The following FBLN2 variants were observed in gnomAD, a reference collection of about 807,000 sequenced individuals.
The protein encoded by FBLN2 is fibulin 2.
A neutral mutation model predicts 123.7 loss-of-function variants in FBLN2; 81 were observed. The ratio of observed to expected loss-of-function variants is 0.65; its 90% CI spans 0.55 to 0.79. The LOEUF (loss-of-function observed/expected upper bound fraction) is 0.79, where lower values mean the gene tolerates loss of function less well. Among genes scored for constraint, FBLN2 ranks in the 30% least tolerant of loss-of-function variants. The probability of loss-of-function intolerance (pLI) is 0.00; values close to 1 mark genes in which losing one functional copy is unlikely to be tolerated. For missense variants in FBLN2, 1,603 were observed against 1,681.3 expected, an observed-to-expected ratio of 0.95 and a Z score of 0.81; for synonymous variants, 699 against 701.4, an observed-to-expected ratio of 1.00 and a Z score of 0.05.
In FBLN2 at chr3:13,570,982, A is replaced by G; in HGVS notation, c.627A>G (p.Ala209=). ...YDQEVAEVEA[A]TALGGEVQAG... is the part of the protein sequence containing the mutation. ...AGGAGGTGGCCGAGGTGGAAGCAGC[A>G]ACAGCCCTGGGGGGTGAGGTCCAGG... Residue 209 remains alanine, a synonymous_variant, in exon 2 of 18, where the codon GCA becomes GCG. Transcript: ENST00000404922. The G allele has an allele frequency of 1.2e-6, 2 of 1,609,510 alleles. No individual in the cohort carries two copies. The highest frequency in any genetic ancestry group is 1.7e-6 in the Non-Finnish European group (2 of 1,178,184).
chr3:13,609,692 G>GGGGGGGGGGGGGGGGGGGGGT, intron 4 of FBLN2, 50 bp downstream of exon 4: 1 of 508,390 alleles, frequency 2.0e-6, no homozygotes, highest in Non-Finnish European at 3.8e-6. Flanking sequence ...GGCGGGGCGG[G>GGGGGGGGGGGGGGGGGGGGGT]AGGCTGGCCT....
Position 13,619,035 on chromosome 3 carries a change from T to C in FBLN2, c.2053+18T>C. ...CTGCAAAGGTAAGCAGTGTGGGTGG[T>C]GTCTCCAGGACAGGGCCCAGGGTCC... On this transcript the variant is annotated intron_variant, in intron 7 of 17. Transcript: ENST00000404922. 2 of 1,588,044 alleles carry C rather than the reference T, an allele frequency of 1.3e-6. No homozygotes were observed. Among genetic ancestry groups the C allele is most frequent in the Admixed American group, 1.8e-5 (1 of 57,058 alleles).
intron 2 of FBLN2, among the ~76,000 whole-genome samples, chr3:13,581,480 A>G (rs541567241): frequency 1.3e-5 from 2 of 152,232 alleles, no homozygotes; most frequent in South Asian, 4.1e-4. Flanking sequence ...TAGGTGGCCA[A>G]TCAGACGTGG....
At chr3:13,590,614 C>T (rs889726815) in intron 2 of FBLN2, among the ~76,000 whole-genome samples, 10 of 152,344 alleles carry the variant, frequency 6.6e-5, no homozygotes, top group Middle Eastern at 3.4e-3. Flanking sequence ...GCGTGAGCCA[C>T]CATGCCCAGC....
intron 1 of FBLN2, among the ~76,000 whole-genome samples, chr3:13,550,335 C>A (rs1394555498): frequency 6.6e-6 from 1 of 152,252 alleles, no homozygotes; most frequent in Non-Finnish European, 1.5e-5. Flanking sequence ...CTCCCTTCCC[C>A]TGCTCCAGTC....
At chr3:13,586,204 A>G (rs1027061113) in intron 2 of FBLN2, among the ~76,000 whole-genome samples, 12 of 151,824 alleles carry the variant, frequency 7.9e-5, no homozygotes, top group African/African-American at 2.9e-4. Context: ...CTTTTTTTTG[A>G]GATGGATTCT....
intron 1 of FBLN2, among the ~76,000 whole-genome samples, chr3:13,556,623 AGGCAGGGTGT>A (rs1703471415): frequency 6.6e-6 from 1 of 152,212 alleles, no homozygotes. Flanking sequence ...TGTGACCCCA[AGGCAGGGTGT>A]GGTGGGGAGG....
At chr3:13,603,308 T>A (rs1176166866) in intron 2 of FBLN2, among the ~76,000 whole-genome samples, 1 of 151,868 alleles carries the variant, frequency 6.6e-6, no homozygotes, top group Non-Finnish European at 1.5e-5. Context: ...TACATATGTA[T>A]ACATGTGCCA....
At chr3:13,582,763 A>G (rs968282812) in intron 2 of FBLN2, among the ~76,000 whole-genome samples, 5 of 152,258 alleles carry the variant, frequency 3.3e-5, no homozygotes, top group Non-Finnish European at 7.3e-5. Context: ...CAGCCAGCAC[A>G]GAGTGCTGCT....
intron 2 of FBLN2, among the ~76,000 whole-genome samples, chr3:13,575,625 C>T (rs1704114420): frequency 2.0e-5 from 3 of 152,166 alleles, no homozygotes; most frequent in Admixed American, 6.5e-5. Context: ...CTCCTGATAA[C>T]AAAGCTGCTC....
chr3:13,578,012 G>T (rs940533592), intron 2 of FBLN2, among the ~76,000 whole-genome samples: 1 of 152,242 alleles, frequency 6.6e-6, no homozygotes, highest in African/African-American at 2.4e-5. Context: ...GGACCTAGAG[G>T]TACAAGTGGG....
At chr3:13,593,224 C>T (rs1704731909) in intron 2 of FBLN2, among the ~76,000 whole-genome samples, 1 of 152,222 alleles carries the variant, frequency 6.6e-6, no homozygotes, top group Non-Finnish European at 1.5e-5. Flanking sequence ...GCAGCCACCT[C>T]TGGAGGGTTG....
At chr3:13,612,311 C>A (rs2124884295) in intron 4 of FBLN2, among the ~76,000 whole-genome samples, 1 of 135,594 alleles carries the variant, frequency 7.4e-6, no homozygotes, top group South Asian at 2.5e-4. Context: ...TTCTTTCTTT[C>A]TTTCTTTCTT....
chr3:13,620,173 T>C (rs546761413), intron 8 of FBLN2, among the ~76,000 whole-genome samples: 2 of 152,128 alleles, frequency 1.3e-5, no homozygotes, highest in South Asian at 4.2e-4. Flanking sequence ...AGTCCTGAGA[T>C]TCTGCCGAAT....
At position 13,636,442 on chromosome 3, in the gene FBLN2, C is replaced by T. The variant is rs1465124859; in HGVS notation, c.3215-3C>T. 2 of 1,613,410 alleles carry T rather than the reference C, an allele frequency of 1.2e-6. No individual in the cohort carries two copies. The highest frequency in any genetic ancestry group is 1.7e-5 in the Admixed American group (1 of 59,952). ...CCCTGCCATTGCCCCTCTTCTCCCC[C>T]AGACGTGGATGAGTGTGCACTGGGT... On this transcript the variant is annotated splice_polypyrimidine_tract_variant and splice_region_variant and intron_variant, in intron 16 of 17. Coordinates refer to ENST00000404922, the MANE Select transcript of FBLN2 (RefSeq NM_001004019.2).
At chr3:13,595,859 A>G (rs1363837598) in intron 2 of FBLN2, among the ~76,000 whole-genome samples, 1 of 152,222 alleles carries the variant, frequency 6.6e-6, no homozygotes, top group Non-Finnish European at 1.5e-5. Flanking sequence ...AGAAACAAAT[A>G]CAAATTACAA....
At chr3:13,590,721 T>A (rs1055185272) in intron 2 of FBLN2, among the ~76,000 whole-genome samples, 34 of 152,352 alleles carry the variant, frequency 2.2e-4, no homozygotes, top group African/African-American at 7.7e-4. Flanking sequence ...GGTAAGGTAT[T>A]TGAGACTCAT....
intron 4 of FBLN2, 128 bp downstream of exon 4, chr3:13,609,770 A>T: frequency 9.2e-7 from 1 of 1,082,382 alleles, no homozygotes; most frequent in Non-Finnish European, 1.3e-6. Flanking sequence ...AGTGACCCTC[A>T]CGCCTGGGGT....
rs778004911 is a variant in FBLN2, at chr3:13,637,762, G to A, written c.3539G>A (p.Arg1180His). Reference sequence around the variant, plus strand: ...AATGAGGAGGGCTACTTTGGCACGCGCAGGCTCAATGCCTACACGGGTGTG... The same window carrying A: ...AATGAGGAGGGCTACTTTGGCACGCACAGGCTCAATGCCTACACGGGTGTG... ...KGNEEGYFGT[R>H]RLNAYTGVVY... The change falls in exon 18 of 18, where the codon CGC (arginine) becomes CAC (histidine). Residue 1180 changes from arginine to histidine, a missense_variant. By Grantham distance (29) the Arg-to-His change is conservative. Transcript: ENST00000404922. 2.2e-5 allele frequency: 36 copies of A among 1,613,798 alleles called. No homozygotes were observed. The highest frequency in any genetic ancestry group is 2.7e-5 in the Non-Finnish European group (32 of 1,179,822).
Sources: gnomAD v4.1 joint callset for allele counts (sites outside exome capture counted in the v4.1 genomes callset) on GRCh38, gnomAD v4.1.1 for gene constraint, MANE v1.5 for transcripts, NCBI Gene and HGNC (gene_info 2026-07-23, HGNC 2026-07-21) for gene names.